The following JPH1 variants were observed in gnomAD, a reference collection of about 807,000 sequenced individuals.
The protein encoded by JPH1 is junctophilin-1.
A neutral mutation model predicts 53.6 loss-of-function variants in JPH1; 12 were observed. The observed-to-expected ratio is 0.22, with a 90% CI of 0.14 to 0.36. The LOEUF is 0.36. Ranked by LOEUF, JPH1 falls within the 10% of genes least tolerant of loss-of-function variation. The probability of loss-of-function intolerance (pLI) is 1.00; values close to 1 mark genes in which losing one functional copy is unlikely to be tolerated. For synonymous variants in JPH1, 375 were observed against 363.8 expected (o/e 1.03, Z -0.35); for missense variants, 808 against 905.5 (o/e 0.89, Z 1.38).
intron 3 of JPH1, among the ~76,000 whole-genome samples, chr8:74,247,788 GGTTA>G (rs1439755085): frequency 6.6e-6 from 1 of 152,024 alleles, no homozygotes; most frequent in Non-Finnish European, 1.5e-5. Flanking sequence ...GTGATAAATA[GGTTA>G]ATTAGCTTGA....
In JPH1 at chr8:74,321,200, T is replaced by C. The variant is rs2131473289; in HGVS notation, c.88A>G (p.Thr30Ala). The C allele has an allele frequency of 6.2e-7, 1 of 1,612,830 alleles. No homozygotes were observed. The highest frequency in any genetic ancestry group is 8.5e-7 in the Non-Finnish European group (1 of 1,179,702). The stretch of plus-strand genomic sequence containing the variant: ...TACTCGCCCTGGCCCTTGGGCCCCG[T>C]GCAGATGCCATGCCCGTGCGCCTTG... ...EGKAHGHGIC[T>A]GPKGQGEYSG... The change falls in exon 1 of 6, where the codon ACG (threonine) becomes GCG (alanine). Residue 30 changes from threonine (T) to alanine (A), a missense_variant. Physicochemically the swap from Thr to Ala is moderately conservative, Grantham distance 58 (BLOSUM62 0). Around this residue, in one of 2 missense-constraint regions of JPH1, gnomAD observed 52 missense variants for 93.6 expected, o/e 0.56. Coordinates refer to ENST00000342232, the MANE Select transcript of JPH1 (RefSeq NM_020647.4). This position sits in a 1 kb window ranked among gnomAD's most constrained non-coding sequence, Gnocchi z 4.3.
At chr8:74,290,821 A>G (rs550147662) in intron 2 of JPH1, among the ~76,000 whole-genome samples, 7 of 152,348 alleles carry the variant, frequency 4.6e-5, no homozygotes, top group Admixed American at 2.0e-4. Flanking sequence ...CTCAGAAATA[A>G]TACCACACAT....
At chr8:74,257,366 C>G (rs992043843) in intron 3 of JPH1, among the ~76,000 whole-genome samples, 12 of 152,148 alleles carry the variant, frequency 7.9e-5, no homozygotes, top group Non-Finnish European at 1.8e-4. Context: ...TCTGGGAAAC[C>G]AAGATGATCT....
chr8:74,267,634 C>A (rs950414564), intron 2 of JPH1, among the ~76,000 whole-genome samples: 1 of 152,000 alleles, frequency 6.6e-6, no homozygotes, highest in Non-Finnish European at 1.5e-5. Flanking sequence ...AGGGAGTTGG[C>A]GAGGAAGTGG....
At position 74,321,066 on chromosome 8, in the gene JPH1, C is replaced by T. The variant is rs140365097; in HGVS notation, c.222G>A (p.Val74=). 5.6e-4 allele frequency: 910 copies of T among 1,613,482 alleles called. No individual in the cohort carries two copies. Among genetic ancestry groups the T allele is most frequent in the Non-Finnish European group, 7.1e-4 (834 of 1,179,676 alleles). Reference sequence around the variant, plus strand: ...GGTACATCCACTTGCCCTTCGTCTCCACCCCCAGCCCGTGCCGCTTGCCCT... The same window carrying T: ...GGTACATCCACTTGCCCTTCGTCTCTACCCCCAGCCCGTGCCGCTTGCCCT... The part of the protein sequence containing the change: ...WAQGKRHGLG[V]ETKGKWMYRG... Residue 74 remains valine, a synonymous_variant, in exon 1 of 6, where the codon GTG becomes GTA. Transcript: ENST00000342232. The surrounding 1 kb of genome is among the most constrained non-coding windows in gnomAD (Gnocchi z 4.3).
chr8:74,321,504 T>C lies in JPH1; in HGVS notation c.-217A>G, dbSNP rs1162106840. On this transcript the variant is annotated 5_prime_UTR_variant, in exon 1 of 6. Transcript: ENST00000342232. This position sits in a 1 kb window ranked among gnomAD's most constrained non-coding sequence, Gnocchi z 4.3. ...CCTTCCTCCTCCTCCTCCTCCTCCT[T>C]CGCCGCCGCCGCCTGGGCCAGCGCC... 241 of 462,408 alleles carry C rather than the reference T, an allele frequency of 5.2e-4. No homozygotes were observed. In the East Asian group the frequency reaches 6.0e-3, roughly 12 times the overall value. 28.6% of individuals were successfully genotyped at this position (462,408 alleles called of 1,614,324 possible). A position where few individuals can be genotyped will look rare whatever the true frequency, so the allele number is the denominator to read the frequency against.
At chr8:74,311,478 T>C (rs1807991700) in intron 2 of JPH1, among the ~76,000 whole-genome samples, 2 of 152,098 alleles carry the variant, frequency 1.3e-5, no homozygotes, top group South Asian at 4.1e-4. Context: ...AGGCAGCAAA[T>C]CTTAAAAGAA....
chr8:74,267,441 G>A (rs1470533326), intron 2 of JPH1, among the ~76,000 whole-genome samples: 1 of 152,222 alleles, frequency 6.6e-6, no homozygotes, highest in South Asian at 2.1e-4. Context: ...AAGTGGGCCA[G>A]ATCTGAATTT....
intron 2 of JPH1, among the ~76,000 whole-genome samples, chr8:74,311,803 G>A: frequency 6.6e-6 from 1 of 151,808 alleles, no homozygotes; most frequent in Non-Finnish European, 1.5e-5. Flanking sequence ...AGTTTACTGA[G>A]AATGATGAGT....
chr8:74,261,638 C>T (rs1448806702), intron 2 of JPH1, among the ~76,000 whole-genome samples: 1 of 152,090 alleles, frequency 6.6e-6, no homozygotes, highest in Non-Finnish European at 1.5e-5. Context: ...GTGTGTTGTG[C>T]CTGATAATCA....
At chr8:74,272,387 G>C (rs1009208137) in intron 2 of JPH1, among the ~76,000 whole-genome samples, 7 of 152,046 alleles carry the variant, frequency 4.6e-5, no homozygotes, top group Admixed American at 3.3e-4. Flanking sequence ...CAACCCCTCT[G>C]TAATGCTAGG....
intron 2 of JPH1, among the ~76,000 whole-genome samples, chr8:74,302,096 C>T (rs912566229): frequency 1.3e-5 from 2 of 152,214 alleles, no homozygotes; most frequent in African/African-American, 4.8e-5. Flanking sequence ...GTCAAATTCA[C>T]ACAGCAGGTA....
intron 2 of JPH1, among the ~76,000 whole-genome samples, chr8:74,297,778 T>A (rs895651966): frequency 1.3e-5 from 2 of 152,214 alleles, no homozygotes; most frequent in African/African-American, 4.8e-5. Context: ...ATAAACGTAG[T>A]CAGAGTCAAC....
chr8:74,265,986 T>C (rs537586749), intron 2 of JPH1, among the ~76,000 whole-genome samples: 24 of 150,298 alleles, frequency 1.6e-4, no homozygotes, highest in Admixed American at 1.3e-3. Flanking sequence ...TTAGCAAGGA[T>C]GTGGAGAAAC....
intron 2 of JPH1, among the ~76,000 whole-genome samples, chr8:74,309,662 T>C (rs960985081): frequency 6.6e-6 from 1 of 152,170 alleles, no homozygotes; most frequent in African/African-American, 2.4e-5. Context: ...CAAGAGTCGA[T>C]GGAGTAAAAA....
chr8:74,312,431 CAG>C (rs1808024703), intron 2 of JPH1, among the ~76,000 whole-genome samples: 1 of 152,126 alleles, frequency 6.6e-6, no homozygotes, highest in African/African-American at 2.4e-5. Context: ...TTATTTTTTG[CAG>C]AGACGGGGGT....
chr8:74,258,509 T>C (rs897177246), intron 3 of JPH1, among the ~76,000 whole-genome samples: 2 of 152,176 alleles, frequency 1.3e-5, no homozygotes, highest in Admixed American at 6.5e-5. Flanking sequence ...CCAAGATCGA[T>C]TTTTTTGAGG....
Position 74,247,395 on chromosome 8 carries a change from G to A in JPH1, c.1259-2220C>T, listed in dbSNP as rs531011672. Among the ~76,000 whole-genome samples the A allele has an allele frequency of 4.6e-4, 70 of 152,174 alleles. 1 individual carries two copies. The highest frequency in any genetic ancestry group is 1.4e-3 in the Admixed American group (22 of 15,288). On this transcript the variant is annotated intron_variant, in intron 3 of 5. Coordinates refer to ENST00000342232, the MANE Select transcript of JPH1 (RefSeq NM_020647.4). Reference sequence around the variant, plus strand: ...AATAGTCAAGGGCCTTGGAGCCAACGGACTTTTAATTTAAGCCACTTAATG... The same window carrying A: ...AATAGTCAAGGGCCTTGGAGCCAACAGACTTTTAATTTAAGCCACTTAATG...
In JPH1 at chr8:74,320,490, C is replaced by A. The variant is rs771477698; in HGVS notation, c.379+419G>T. Reference sequence around the variant, plus strand: ...GCCAACCTCACCCGCTCAGGGTGTTCGCTCTAACTCCACGGGAGTGGCGAT... The same window carrying A: ...GCCAACCTCACCCGCTCAGGGTGTTAGCTCTAACTCCACGGGAGTGGCGAT... On this transcript the variant is annotated intron_variant, in intron 1 of 5. Coordinates refer to ENST00000342232, the MANE Select transcript of JPH1 (RefSeq NM_020647.4). This position sits in a 1 kb window ranked among gnomAD's most constrained non-coding sequence, Gnocchi z 4.4. Among the ~76,000 whole-genome samples, 1 of 152,132 alleles carries A rather than the reference C, an allele frequency of 6.6e-6. No homozygotes were observed. The highest frequency in any genetic ancestry group is 1.5e-5 in the Non-Finnish European group (1 of 68,016).
Sources: allele counts gnomAD v4.1 joint callset (sites outside exome capture counted in the v4.1 genomes callset), GRCh38; gene constraint gnomAD v4.1.1; regional missense constraint gnomAD v4.1.1; non-coding constraint Gnocchi (gnomAD v3.1); transcripts MANE v1.5; gene names NCBI Gene and HGNC (gene_info 2026-07-23, HGNC 2026-07-21).